The following GPIHBP1 variants were observed in gnomAD, a reference collection of about 807,000 sequenced individuals.
GPIHBP1 encodes the protein glycosylphosphatidylinositol-anchored high density lipoprotein-binding protein 1.
GPIHBP1 carries 11 observed loss-of-function variants against 13.0 expected under a neutral mutation model. That is an observed-to-expected ratio of 0.84 (90% CI 0.53 to 1.40). The LOEUF is 1.40. GPIHBP1 is among the 40% of genes most tolerant of loss of function. The pLI, the probability that GPIHBP1 is intolerant of heterozygous loss-of-function variation, is 0.00. For synonymous variants in GPIHBP1, 106 were observed against 102.2 expected, an observed-to-expected ratio of 1.04 and a Z score of -0.22; for missense variants, 231 against 241.1, an observed-to-expected ratio of 0.96 and a Z score of 0.28.
At chr8:143,213,731 G>C in intron 1 of GPIHBP1, 91 bp from the exon 2 acceptor site, 1 of 1,545,862 alleles carries the variant, frequency 6.5e-7, no homozygotes, top group Admixed American at 1.9e-5. Context: ...TGGCTGGGGA[G>C]GGCCAAGGAG....
In GPIHBP1 at chr8:143,214,120, C is replaced by T. The variant is rs369952367; in HGVS notation, c.181+170C>T. 6.6e-6 allele frequency among the ~76,000 whole-genome samples: 1 copy of T among 152,106 alleles called. No individual in the cohort carries two copies. Among genetic ancestry groups the T allele is most frequent in the South Asian group, 2.1e-4 (1 of 4,824 alleles). ...GCTGCTCACCATGACACTCAGTTGC[C>T]TTCCAGAGTAGGGAACAGGGGAAGA... On this transcript the variant is annotated intron_variant, in intron 2 of 3. Coordinates refer to ENST00000622500, the MANE Select transcript of GPIHBP1 (RefSeq NM_178172.6). The surrounding 1 kb of genome is among the most constrained non-coding windows in gnomAD (Gnocchi z 4.1).
At position 143,213,307 on chromosome 8, in the gene GPIHBP1, T is replaced by TGCGG. The variant is rs1816248175; in HGVS notation, c.40_41insGCGG (p.Phe14CysfsTer25). 1 of 1,597,942 alleles carries TGCGG rather than the reference T, an allele frequency of 6.3e-7. No homozygotes were observed. Among genetic ancestry groups the TGCGG allele is most frequent in the East Asian group, 2.3e-5 (1 of 44,404 alleles). Reference sequence around the variant, plus strand: ...GGCTGTCCTGCTTGCCCTCTTGCTGTTCGGGCGGCCAGGTGCGGGGCAAAG... The same window carrying TGCGG: ...GGCTGTCCTGCTTGCCCTCTTGCTGTGCGGTCGGGCGGCCAGGTGCGGGGCAAAG... On this transcript the variant is annotated frameshift_variant, in exon 1 of 4. Coordinates refer to ENST00000622500, the MANE Select transcript of GPIHBP1 (RefSeq NM_178172.6). LOFTEE classifies it high-confidence loss of function.
rs1816314673 is a variant in GPIHBP1, at chr8:143,216,540, C to T, written c.*1022C>T. 1 of 152,344 alleles carries T rather than the reference C, an allele frequency of 6.6e-6. No individual in the cohort carries two copies. The highest frequency in any genetic ancestry group is 2.1e-4 in the South Asian group (1 of 4,828). 9.4% of individuals were successfully genotyped at this position (152,344 alleles called of 1,614,324 possible). ...TGTGCCAGGGAGGGGGCAGAATGGG[C>T]CTGCAGCTTCCTGCAGAGGAAGCAG... On this transcript the variant is annotated 3_prime_UTR_variant, in exon 4 of 4. Transcript: ENST00000622500.
In GPIHBP1 at chr8:143,215,434, C is replaced by G; in HGVS notation, c.471C>G (p.Pro157=). 3 of 1,612,626 alleles carry G rather than the reference C, an allele frequency of 1.9e-6. No individual in the cohort carries two copies. Among genetic ancestry groups the G allele is most frequent in the Non-Finnish European group, 2.5e-6 (3 of 1,179,932 alleles). Residue 157 remains proline (P), a synonymous_variant, in exon 4 of 4, where the codon CCC becomes CCG. Transcript: ENST00000622500. ...CAACAGGCAAGGGGGCAGGCGGCCC[C>G]CGGGGCAGCTCCGAAACTGTGGGCG... ...QDPTGKGAGG[P]RGSSETVGAA... is the part of the protein sequence containing the mutation.
In GPIHBP1 at chr8:143,214,577, C is replaced by G. The variant is rs908819070; in HGVS notation, c.182-436C>G. On this transcript the variant is annotated intron_variant, in intron 2 of 3. Transcript: ENST00000622500. The surrounding 1 kb of genome is among the most constrained non-coding windows in gnomAD (Gnocchi z 4.1). Reference sequence around the variant, plus strand: ...TAGCCAGGGCCCCCAGCATGCCCCACCACACACAGCCCACCCCCCTCCCAG... The same window carrying G: ...TAGCCAGGGCCCCCAGCATGCCCCAGCACACACAGCCCACCCCCCTCCCAG... Among the ~76,000 whole-genome samples, 2 of 146,096 alleles carry G rather than the reference C, an allele frequency of 1.4e-5. No individual in the cohort carries two copies. Among genetic ancestry groups the G allele is most frequent in the Non-Finnish European group, 2.9e-5 (2 of 67,916 alleles).
Position 143,214,948 on chromosome 8 carries a change from TG to T in GPIHBP1, c.182-63del. On this transcript the variant is annotated intron_variant, in intron 2 of 3. Transcript: ENST00000622500. This position sits in a 1 kb window ranked among gnomAD's most constrained non-coding sequence, Gnocchi z 4.1. Reference sequence around the variant, plus strand: ...GGGAGCACAGCTGAGAACGGGGAGGTGGACAGGGACGTGGGAGGAGACCCTG... The same window carrying T: ...GGGAGCACAGCTGAGAACGGGGAGGTGACAGGGACGTGGGAGGAGACCCTG... 1.8e-6 allele frequency: 2 copies of T among 1,101,052 alleles called. No homozygotes were observed. The highest frequency in any genetic ancestry group is 2.7e-6 in the Non-Finnish European group (2 of 742,850). The allele number at this position is 1,101,052 out of a possible 1,614,324, so 68.2% of individuals were successfully genotyped here.
Position 143,215,769 on chromosome 8 carries a change from C to T in GPIHBP1, c.*251C>T, listed in dbSNP as rs536294585. On this transcript the variant is annotated 3_prime_UTR_variant, in exon 4 of 4. Coordinates refer to ENST00000622500, the MANE Select transcript of GPIHBP1 (RefSeq NM_178172.6). ...CGCTGGGTCCAGACCTCGGCTGCCA[C>T]GCCCCAGGACCTGCAGCCCTCATGG... is the stretch of plus-strand genomic sequence containing the variant. 1.3e-4 allele frequency: 76 copies of T among 571,922 alleles called. No homozygotes were observed. The highest frequency in any genetic ancestry group is 9.3e-4 in the African/African-American group (50 of 53,496). 35.4% of individuals were successfully genotyped at this position (571,922 alleles called of 1,614,324 possible). A position where few individuals can be genotyped will look rare whatever the true frequency, so the allele number is the denominator to read the frequency against.
chr8:143,215,264 G>A lies in GPIHBP1; in HGVS notation c.301G>A (p.Gly101Ser). The A allele has an allele frequency of 3.7e-6, 6 of 1,612,974 alleles. No individual in the cohort carries two copies. Among genetic ancestry groups the A allele is most frequent in the Non-Finnish European group, 5.1e-6 (6 of 1,179,984 alleles). The change falls in exon 4 of 4, where the codon GGC (glycine) becomes AGC (serine). Residue 101 changes from glycine (G) to serine (S), a missense_variant. Gly to Ser is a moderately conservative substitution (Grantham distance 56). Transcript: ENST00000622500. ...TTCCCCACTCCCCTTCCCAGAGTCA[G>A]GCCTCCTGACCACCCACTCCACGTG... ...TLIAHGNTES[G>S]LLTTHSTWCT...
At position 143,215,105 on chromosome 8, in the gene GPIHBP1, C is replaced by G; in HGVS notation, c.274C>G (p.Leu92Val). 6.2e-7 allele frequency: 1 copy of G among 1,612,634 alleles called. No homozygotes were observed. Among genetic ancestry groups the G allele is most frequent in the Non-Finnish European group, 8.5e-7 (1 of 1,179,792 alleles). The change falls in exon 3 of 4, where the codon CTC becomes GTC. Residue 92 changes from leucine (L) to valine (V), a missense_variant. Leu to Val is a conservative substitution (Grantham distance 32). Transcript: ENST00000622500. ...NCSHGQTCTT[L>V]IAHGNTESGL... is the part of the protein sequence containing the mutation. ...CTCACATGGCCAGACCTGCACAACCCTCATTGCCCACGGGAACACCGGTAA... is the reference window on the plus strand; with the variant it reads ...CTCACATGGCCAGACCTGCACAACCGTCATTGCCCACGGGAACACCGGTAA...
chr8:143,215,332 G>A lies in GPIHBP1; in HGVS notation c.369G>A (p.Gly123=). Reference sequence around the variant, plus strand: ...AGCCCATCACCAAGACGGTGGAGGGGACCCAGGTGACCATGACCTGCTGCC... The same window carrying A: ...AGCCCATCACCAAGACGGTGGAGGGAACCCAGGTGACCATGACCTGCTGCC... ...SCQPITKTVE[G]TQVTMTCCQS... The change falls in exon 4 of 4, where the codon GGG becomes GGA. Residue 123 remains glycine, a synonymous_variant. Transcript: ENST00000622500. The A allele has an allele frequency of 6.2e-7, 1 of 1,612,876 alleles. No individual in the cohort carries two copies. Among genetic ancestry groups the A allele is most frequent in the Admixed American group, 1.7e-5 (1 of 60,032 alleles).
rs1280380058 is a variant in GPIHBP1 at position 143,216,692 on chromosome 8, G to C, written c.*1174G>C. The C allele has an allele frequency of 3.9e-5, 6 of 152,198 alleles. No homozygotes were observed. The highest frequency in any genetic ancestry group is 7.3e-5 in the Non-Finnish European group (5 of 68,054). The allele number at this position is 152,198 out of a possible 1,614,324, so 9.4% of individuals were successfully genotyped here. A position where few individuals can be genotyped will look rare whatever the true frequency, so the allele number is the denominator to read the frequency against. ...TAGCTGGTGCCAGGACAGAGCTCTG[G>C]GACAGCAGGCAGAGGCCGAGCCTGG... On this transcript the variant is annotated 3_prime_UTR_variant, in exon 4 of 4. Coordinates refer to ENST00000622500, the MANE Select transcript of GPIHBP1 (RefSeq NM_178172.6).
rs762093328 is a variant in GPIHBP1, at chr8:143,215,435, C to G, written c.472C>G (p.Arg158Gly). ...AACAGGCAAGGGGGCAGGCGGCCCCCGGGGCAGCTCCGAAACTGTGGGCGC... is the reference window on the plus strand; with the variant it reads ...AACAGGCAAGGGGGCAGGCGGCCCCGGGGGCAGCTCCGAAACTGTGGGCGC... ...DPTGKGAGGP[R>G]GSSETVGAAL... The change falls in exon 4 of 4, where the codon CGG (arginine) becomes GGG (glycine). Residue 158 changes from arginine to glycine, a missense_variant. Transcript: ENST00000622500. 10 of 1,612,564 alleles carry G rather than the reference C, an allele frequency of 6.2e-6. No individual in the cohort carries two copies. Among genetic ancestry groups the G allele is most frequent in the Non-Finnish European group, 8.5e-6 (10 of 1,179,924 alleles).
At position 143,214,087 on chromosome 8, in the gene GPIHBP1, C is replaced by A; in HGVS notation, c.181+137C>A. ...GCAGAGTGGGGGACACTCAGTACACCCCTCACTGCTGCTCACCATGACACT... is the reference window on the plus strand; with the variant it reads ...GCAGAGTGGGGGACACTCAGTACACACCTCACTGCTGCTCACCATGACACT... On this transcript the variant is annotated intron_variant, in intron 2 of 3. Coordinates refer to ENST00000622500, the MANE Select transcript of GPIHBP1 (RefSeq NM_178172.6). This position sits in a 1 kb window ranked among gnomAD's most constrained non-coding sequence, Gnocchi z 4.1. 1 of 1,136,848 alleles carries A rather than the reference C, an allele frequency of 8.8e-7. No homozygotes were observed. The highest frequency in any genetic ancestry group is 1.3e-6 in the Non-Finnish European group (1 of 782,272). The allele number at this position is 1,136,848 out of a possible 1,614,324, so 70.4% of individuals were successfully genotyped here.
rs1035623740 is a variant in GPIHBP1, at chr8:143,215,829, G to A, written c.*311G>A. The A allele has an allele frequency of 8.9e-5, 42 of 474,542 alleles. No homozygotes were observed. Among genetic ancestry groups the A allele is most frequent in the Non-Finnish European group, 1.6e-4 (42 of 264,032 alleles). 29.4% of individuals were successfully genotyped at this position (474,542 alleles called of 1,614,324 possible). A position where few individuals can be genotyped will look rare whatever the true frequency, so the allele number is the denominator to read the frequency against. On this transcript the variant is annotated 3_prime_UTR_variant, in exon 4 of 4. Transcript: ENST00000622500. Reference sequence around the variant, plus strand: ...ATCCCCATCAGCACAGCCAGGCAGAGATGATACCCACCACACACCTGGGGG... The same window carrying A: ...ATCCCCATCAGCACAGCCAGGCAGAAATGATACCCACCACACACCTGGGGG...
rs553890297 is a variant in GPIHBP1 at position 143,214,596 on chromosome 8, C to A, written c.182-417C>A. ...GCCCCACCACACACAGCCCACCCCC[C>A]TCCCAGGAGCCCCAAGCCTGCCCTC... On this transcript the variant is annotated intron_variant, in intron 2 of 3. Transcript: ENST00000622500. This position sits in a 1 kb window ranked among gnomAD's most constrained non-coding sequence, Gnocchi z 4.1. 2.6e-5 allele frequency among the ~76,000 whole-genome samples: 4 copies of A among 151,730 alleles called. No homozygotes were observed. The highest frequency in any genetic ancestry group is 4.9e-5 in the African/African-American group (2 of 41,112).
chr8:143,214,910 C>T lies in GPIHBP1; in HGVS notation c.182-103C>T. ...TGAGCAGTGGGTGCTGGAGGCTCACCAGGCTAGGCTTTGGGAGCACAGCTG... is the reference window on the plus strand; with the variant it reads ...TGAGCAGTGGGTGCTGGAGGCTCACTAGGCTAGGCTTTGGGAGCACAGCTG... On this transcript the variant is annotated intron_variant, in intron 2 of 3. Coordinates refer to ENST00000622500, the MANE Select transcript of GPIHBP1 (RefSeq NM_178172.6). This position sits in a 1 kb window ranked among gnomAD's most constrained non-coding sequence, Gnocchi z 4.1. The T allele has an allele frequency of 1.2e-6, 1 of 801,990 alleles. No homozygotes were observed. Among genetic ancestry groups the T allele is most frequent in the Non-Finnish European group, 2.1e-6 (1 of 486,152 alleles). 49.7% of individuals were successfully genotyped at this position (801,990 alleles called of 1,614,324 possible).
Position 143,216,109 on chromosome 8 carries a change from G to GA in GPIHBP1, c.*591_*592insA, listed in dbSNP as rs1411010335. The stretch of plus-strand genomic sequence containing the variant: ...GCCACATGCGGAGGGGCGGGGCGGG[G>GA]GGGGGCTGGGGGGACAGGCACCAAG... On this transcript the variant is annotated 3_prime_UTR_variant, in exon 4 of 4. Transcript: ENST00000622500. 3 of 150,512 alleles carry GA rather than the reference G, an allele frequency of 2.0e-5. No homozygotes were observed. The highest frequency in any genetic ancestry group is 4.4e-5 in the Non-Finnish European group (3 of 67,890). The allele number at this position is 150,512 out of a possible 1,614,324, so 9.3% of individuals were successfully genotyped here. A position where few individuals can be genotyped will look rare whatever the true frequency, so the allele number is the denominator to read the frequency against.
In GPIHBP1 at chr8:143,213,931, C is replaced by T; in HGVS notation, c.162C>T (p.Leu54=). 2 of 1,551,242 alleles carry T rather than the reference C, an allele frequency of 1.3e-6. No homozygotes were observed. The highest frequency in any genetic ancestry group is 1.2e-5 in the South Asian group (1 of 84,054). Residue 54 remains leucine, a synonymous_variant, in exon 2 of 4, where the codon CTC becomes CTT. Coordinates refer to ENST00000622500, the MANE Select transcript of GPIHBP1 (RefSeq NM_178172.6). ...TGGAAGAGGAGGAGACCAACAGGCT[C>T]CCTGGTGGCAGGAGCAGAGGTATGG... is the stretch of plus-strand genomic sequence containing the variant. ...DEVEEEETNR[L]PGGRSRVLLR...
intron 3 of GPIHBP1, 25 bp downstream of exon 3, chr8:143,215,151 C>T (rs376082089): frequency 7.5e-6 from 12 of 1,607,976 alleles, no homozygotes; most frequent in Admixed American, 3.3e-5. Flanking sequence ...GGCCGCAGCA[C>T]ATGCACCCCC....
Sources: gnomAD v4.1 joint callset for allele counts (sites outside exome capture counted in the v4.1 genomes callset) on GRCh38, gnomAD v4.1.1 for gene constraint, Gnocchi (gnomAD v3.1) non-coding constraint, MANE v1.5 for transcripts, NCBI Gene and HGNC (gene_info 2026-07-23, HGNC 2026-07-21) for gene names.